The following MYBL1 variants were observed in gnomAD, a reference collection of about 807,000 sequenced individuals.
The protein encoded by MYBL1 is MYB proto-oncogene like 1, also known as myb-related protein A.
Under a neutral mutation model 96.3 loss-of-function variants are expected in MYBL1, and 17 were observed. The observed-to-expected ratio is 0.18, with a 90% CI of 0.12 to 0.26. The LOEUF (loss-of-function observed/expected upper bound fraction) is 0.26. Ranked by LOEUF, MYBL1 falls within the 10% of genes least tolerant of loss-of-function variation. The pLI, the probability that MYBL1 is intolerant of heterozygous loss-of-function variation, is 1.00. For synonymous variants in MYBL1, 282 were observed against 292.7 expected, an observed-to-expected ratio of 0.96 and a Z score of 0.37; for missense variants, 701 against 882.9, an observed-to-expected ratio of 0.79 and a Z score of 2.61.
At position 66,572,409 on chromosome 8, in the gene MYBL1, A is replaced by G. The variant is rs540423584; in HGVS notation, c.1728+73T>C. 1.2e-5 allele frequency: 8 copies of G among 660,518 alleles called. No homozygotes were observed. In the East Asian group the frequency reaches 2.2e-4, roughly 19 times the overall value. The allele number at this position is 660,518 out of a possible 1,614,324, so 40.9% of individuals were successfully genotyped here. On this transcript the variant is annotated intron_variant, in intron 12 of 15. Coordinates refer to ENST00000522677, the MANE Select transcript of MYBL1 (RefSeq NM_001080416.4). ...TATCTTTTTTTAAATGTTAAAAATC[A>G]AAGTGATAAAAATCATAATTTGTGT...
At chr8:66,607,395 C>G (rs1810361742) in intron 1 of MYBL1, among the ~76,000 whole-genome samples, 4 of 152,174 alleles carry the variant, frequency 2.6e-5, no homozygotes, top group Admixed American at 2.6e-4. Flanking sequence ...ACCTCCACAT[C>G]CAAAAAGTAA....
chr8:66,585,771 GT>G (rs1809394393), intron 8 of MYBL1, among the ~76,000 whole-genome samples: 1 of 152,016 alleles, frequency 6.6e-6, no homozygotes, highest in Non-Finnish European at 1.5e-5. Context: ...TAGGAGAAAT[GT>G]TTTAGGACAT....
intron 12 of MYBL1, among the ~76,000 whole-genome samples, chr8:66,571,193 C>T (rs1808714844): frequency 6.6e-6 from 1 of 152,104 alleles, no homozygotes; most frequent in African/African-American, 2.4e-5. Flanking sequence ...CTAAAATGCC[C>T]ATCACTGTTC....
chr8:66,582,351 C>T (rs566669491), intron 8 of MYBL1, among the ~76,000 whole-genome samples: 11 of 151,878 alleles, frequency 7.2e-5, no homozygotes, highest in African/African-American at 2.7e-4. Flanking sequence ...AAAAGATATT[C>T]TATGCAAACA....
chr8:66,568,797 C>T (rs778882095), intron 12 of MYBL1, among the ~76,000 whole-genome samples: 5 of 151,752 alleles, frequency 3.3e-5, no homozygotes, highest in South Asian at 2.1e-4. Context: ...GAGACCGAGG[C>T]GGGCAGATCA....
intron 6 of MYBL1, among the ~76,000 whole-genome samples, 185 bp from the exon 7 acceptor site, chr8:66,593,379 G>T (rs1384685018): frequency 6.6e-6 from 1 of 152,070 alleles, no homozygotes; most frequent in Admixed American, 6.5e-5. Context: ...TCCACTCCTA[G>T]AATCTATGAT....
At chr8:66,602,713 ATATATATATATATATATATATTTT>A (rs1810130863) in intron 1 of MYBL1, among the ~76,000 whole-genome samples, 190 bp from the exon 2 acceptor site, 1 of 33,552 alleles carries the variant, frequency 3.0e-5, no homozygotes, top group Non-Finnish European at 6.0e-5. Flanking sequence ...ATATATATAT[ATATATATATATATATATATATTTT>A]TTTTTTTTTT....
chr8:66,573,324 T>A, intron 11 of MYBL1, 40 bp downstream of exon 11: 1 of 1,545,934 alleles, frequency 6.5e-7, no homozygotes, highest in South Asian at 1.3e-5. Context: ...AACACTGTGC[T>A]CCCCATTTTC....
In MYBL1 at chr8:66,566,259, G is replaced by C; in HGVS notation, c.1951-16C>G. On this transcript the variant is annotated splice_polypyrimidine_tract_variant and intron_variant, in intron 14 of 15. Coordinates refer to ENST00000522677, the MANE Select transcript of MYBL1 (RefSeq NM_001080416.4). ...TATTTTCTGACTAAGAGAGAAAAAA[G>C]AAAGAGGAAAATAACTAATTCAAAA... 7.1e-7 allele frequency: 1 copy of C among 1,410,306 alleles called. No individual in the cohort carries two copies. The highest frequency in any genetic ancestry group is 9.6e-7 in the Non-Finnish European group (1 of 1,044,800). The allele number at this position is 1,410,306 out of a possible 1,614,324, so 87.4% of individuals were successfully genotyped here.
At chr8:66,610,595 C>A (rs114114093) in intron 1 of MYBL1, among the ~76,000 whole-genome samples, 5 of 151,964 alleles carry the variant, frequency 3.3e-5, no homozygotes, top group African/African-American at 9.7e-5. Flanking sequence ...AAATTGAGTT[C>A]AAATATATTA....
intron 14 of MYBL1, 42 bp downstream of exon 14, chr8:66,566,642 A>G (rs1586546594): frequency 2.2e-6 from 3 of 1,348,068 alleles, no homozygotes; most frequent in African/African-American, 1.5e-5. Flanking sequence ...TAGGACTTAA[A>G]GCAACCATTT....
chr8:66,604,253 G>A (rs145286339), intron 1 of MYBL1, among the ~76,000 whole-genome samples: 14 of 152,118 alleles, frequency 9.2e-5, no homozygotes, highest in African/African-American at 3.1e-4. Context: ...GATGGGCTGG[G>A]CGTGGACACC....
chr8:66,602,979 T>G (rs1810165390), intron 1 of MYBL1, among the ~76,000 whole-genome samples: 1 of 151,364 alleles, frequency 6.6e-6, no homozygotes, highest in Non-Finnish European at 1.5e-5. Context: ...TCTCCTGACC[T>G]TGTGATCTGC....
At chr8:66,595,469 TTGTC>T (rs1409306795) in intron 6 of MYBL1, 110 bp downstream of exon 6, 4 of 475,032 alleles carry the variant, frequency 8.4e-6, no homozygotes, top group South Asian at 1.1e-4. Flanking sequence ...TTTTTTCAGT[TTGTC>T]TATTTACCCC....
intron 1 of MYBL1, among the ~76,000 whole-genome samples, chr8:66,608,016 T>C (rs924267552): frequency 1.3e-5 from 2 of 152,218 alleles, no homozygotes; most frequent in African/African-American, 2.4e-5. Context: ...AATTTGCCCA[T>C]ATAAATCTTG....
At chr8:66,596,274 A>G (rs893198798) in intron 5 of MYBL1, among the ~76,000 whole-genome samples, 7 of 152,172 alleles carry the variant, frequency 4.6e-5, no homozygotes, top group Non-Finnish European at 1.0e-4. Context: ...AGCAAATCAC[A>G]AACTAAAGAA....
At chr8:66,567,429 T>C (rs1329610928) in intron 12 of MYBL1, among the ~76,000 whole-genome samples, 2 of 152,020 alleles carry the variant, frequency 1.3e-5, no homozygotes, top group South Asian at 4.2e-4. Flanking sequence ...CCACCAAGAT[T>C]GTGAGATACT....
At chr8:66,591,381 T>C (rs1462821080) in intron 8 of MYBL1, among the ~76,000 whole-genome samples, 2 of 152,022 alleles carry the variant, frequency 1.3e-5, no homozygotes, top group Non-Finnish European at 2.9e-5. Context: ...TTTAAAAACC[T>C]AAGAAAAGTT....
intron 4 of MYBL1, among the ~76,000 whole-genome samples, chr8:66,598,523 T>G (rs1809940190): frequency 6.6e-6 from 1 of 152,094 alleles, no homozygotes; most frequent in African/African-American, 2.4e-5. Flanking sequence ...AACTAAAGAG[T>G]GCAGAAACAC....
Sources: allele counts gnomAD v4.1 joint callset (sites outside exome capture counted in the v4.1 genomes callset), GRCh38; gene constraint gnomAD v4.1.1; transcripts MANE v1.5; gene names NCBI Gene and HGNC (gene_info 2026-07-23, HGNC 2026-07-21).